The following MYO18A variants were observed in gnomAD, a reference collection of about 807,000 sequenced individuals.
The protein encoded by MYO18A is unconventional myosin-XVIIIa.
A neutral mutation model predicts 235.8 loss-of-function variants in MYO18A; 78 were observed. That is an observed-to-expected ratio of 0.33 (90% CI 0.28 to 0.40). The LOEUF is 0.40. Ranked by LOEUF, MYO18A falls within the 10% of genes least tolerant of loss-of-function variation. MYO18A has a pLI of 1.00. For synonymous variants in MYO18A, 977 were observed against 1,077.8 expected, an observed-to-expected ratio of 0.91 and a Z score of 1.83; for missense variants, 2,215 against 2,699.3, an observed-to-expected ratio of 0.82 and a Z score of 3.98.
chr17:29,107,995 C>T (rs1367883648), intron 19 of MYO18A, among the ~76,000 whole-genome samples: 3 of 151,822 alleles, frequency 2.0e-5, no homozygotes, highest in African/African-American at 7.3e-5. Context: ...CCTGGCCCTG[C>T]CTCTTAGGAT....
chr17:29,142,889 C>A (rs1323726915), intron 2 of MYO18A, among the ~76,000 whole-genome samples: 3 of 152,234 alleles, frequency 2.0e-5, no homozygotes, highest in Non-Finnish European at 4.4e-5. Context: ...CTCACTGCAA[C>A]CTCCGCCTCC....
At chr17:29,119,295 G>A (rs1337046672) in intron 8 of MYO18A, 40 bp downstream of exon 8, 2 of 1,492,314 alleles carry the variant, frequency 1.3e-6, no homozygotes, top group South Asian at 2.4e-5. Context: ...CAGTGGGCTG[G>A]AGTTCAGAGA....
At chr17:29,119,963 C>A (rs1199805711) in intron 7 of MYO18A, among the ~76,000 whole-genome samples, 2 of 152,126 alleles carry the variant, frequency 1.3e-5, no homozygotes, top group Non-Finnish European at 2.9e-5. Flanking sequence ...GCAGCCTTAA[C>A]CTCCCAGGTT....
At chr17:29,178,170 C>T (rs73270426) in intron 1 of MYO18A, among the ~76,000 whole-genome samples, 3,007 of 152,228 alleles carry the variant, frequency 0.02, 84 homozygotes, top group African/African-American at 0.067. Flanking sequence ...ACCCAGACAG[C>T]CCAGGAGTGA....
Position 29,125,555 on chromosome 17 carries a change from G to T in MYO18A, c.1000-3302C>A, listed in dbSNP as rs921171193. On this transcript the variant is annotated intron_variant, in intron 2 of 41. Coordinates refer to ENST00000527372, the MANE Select transcript of MYO18A (RefSeq NM_078471.4). This position sits in a 1 kb window ranked among gnomAD's most constrained non-coding sequence, Gnocchi z 5.1. Reference sequence around the variant, plus strand: ...GCCCCACCTGGGTCTAGAGAGCCAGGTCACCAAAAATAGCGACAGCAACCT... The same window carrying T: ...GCCCCACCTGGGTCTAGAGAGCCAGTTCACCAAAAATAGCGACAGCAACCT... Among the ~76,000 whole-genome samples the T allele has an allele frequency of 1.2e-4, 19 of 152,228 alleles. No homozygotes were observed. Among genetic ancestry groups the T allele is most frequent in the Non-Finnish European group, 4.4e-5 (3 of 68,048 alleles).
At chr17:29,156,256 T>G (rs1598386775) in intron 2 of MYO18A, among the ~76,000 whole-genome samples, 2 of 152,332 alleles carry the variant, frequency 1.3e-5, no homozygotes, top group South Asian at 4.1e-4. Context: ...CTACAGCCAG[T>G]GAGACAGGCG....
chr17:29,133,665 C>A, intron 2 of MYO18A: 1 of 567,470 alleles, frequency 1.8e-6, no homozygotes, highest in Non-Finnish European at 2.9e-6. Context: ...TCCCTGCCAC[C>A]CCCAATTATA....
Position 29,115,053 on chromosome 17 carries a change from C to G in MYO18A, c.2365G>C (p.Asp789His). The part of the protein sequence containing the change: ...QHSLCSMMIV[D>H]TPGFQNPEQG... ...TCAGGGTTCTGGAAGCCCGGGGTGT[C>G]GACAATCATCATGGAGCAGAGTGAG... The change falls in exon 14 of 42, where the codon GAC becomes CAC. Residue 789 changes from aspartate to histidine, a missense_variant. Transcript: ENST00000527372. 1 of 1,613,774 alleles carries G rather than the reference C, an allele frequency of 6.2e-7. No individual in the cohort carries two copies. The highest frequency in any genetic ancestry group is 8.5e-7 in the Non-Finnish European group (1 of 1,179,848).
rs762136557 is a variant in MYO18A, at chr17:29,121,898, C to A, written c.1147G>T (p.Asp383Tyr). Residue 383 changes from aspartate to tyrosine, a missense_variant, in exon 4 of 42, where the codon GAC becomes TAC. Physicochemically the swap from Asp to Tyr is radical, Grantham distance 160. Coordinates refer to ENST00000527372, the MANE Select transcript of MYO18A (RefSeq NM_078471.4). This position sits in a 1 kb window ranked among gnomAD's most constrained non-coding sequence, Gnocchi z 4.2. Reference protein sequence around the residue: ...LPEGKVRVKLDHDGAILDVDE... With the variant: ...LPEGKVRVKLYHDGAILDVDE... The stretch of plus-strand genomic sequence containing the variant: ...ACATCCAGGATGGCCCCATCGTGGT[C>A]CAGCTTCACACGCACCTTCCCCTCA... The A allele has an allele frequency of 1.2e-6, 2 of 1,613,942 alleles. No individual in the cohort carries two copies. Among genetic ancestry groups the A allele is most frequent in the South Asian group, 2.2e-5 (2 of 91,080 alleles).
chr17:29,146,552 A>G (rs1359732222), intron 2 of MYO18A, among the ~76,000 whole-genome samples: 1 of 152,240 alleles, frequency 6.6e-6, no homozygotes, highest in East Asian at 1.9e-4. Flanking sequence ...ATCCTGGCCA[A>G]TAAGAATATC....
rs1365022430 is a variant in MYO18A at position 29,074,676 on chromosome 17, G to A, written c.*94C>T. On this transcript the variant is annotated 3_prime_UTR_variant, in exon 42 of 42. Transcript: ENST00000527372. The surrounding 1 kb of genome is among the most constrained non-coding windows in gnomAD (Gnocchi z 4.4). ...GTGTTTCCCATGCAGATCAGCAGTC[G>A]GGTGGGGGAGACCGGTGCCCCACCA... The A allele has an allele frequency of 1.1e-5, 15 of 1,380,418 alleles. No homozygotes were observed. The highest frequency in any genetic ancestry group is 7.4e-5 in the South Asian group (6 of 81,368). The allele number at this position is 1,380,418 out of a possible 1,614,324, so 85.5% of individuals were successfully genotyped here. A position where few individuals can be genotyped will look rare whatever the true frequency, so the allele number is the denominator to read the frequency against.
intron 22 of MYO18A, 69 bp downstream of exon 22, chr17:29,099,565 C>A (rs1267418794): frequency 6.4e-7 from 1 of 1,558,800 alleles, no homozygotes; most frequent in Non-Finnish European, 8.7e-7. Flanking sequence ...CCCCTTATAG[C>A]CCCCACCCCA....
chr17:29,092,515 G>C (rs1282187782), intron 33 of MYO18A, 59 bp from the exon 34 acceptor site: 1 of 1,381,344 alleles, frequency 7.2e-7, no homozygotes, highest in Non-Finnish European at 1.0e-6. Context: ...GGGGGCAGGA[G>C]GGCTGTACAG....
chr17:29,098,428 C>T lies in MYO18A; in HGVS notation c.3798G>A (p.Leu1266=), dbSNP rs2066574874. 1 of 1,613,838 alleles carries T rather than the reference C, an allele frequency of 6.2e-7. No individual in the cohort carries two copies. The highest frequency in any genetic ancestry group is 1.3e-5 in the African/African-American group (1 of 74,948). The change falls in exon 24 of 42, where the codon CTG becomes CTA. Residue 1266 remains leucine (L), a synonymous_variant. Transcript: ENST00000527372. ...TCTCCGCCTTCTCGAGCTTGCTCCG[C>T]AGCTGCTGGATCTCCTCCTAGGGTG... ...IRNKDEEIQQ[L]RSKLEKAEKE...
intron 2 of MYO18A, among the ~76,000 whole-genome samples, chr17:29,163,308 C>T (rs56173523): frequency 0.032 from 4,940 of 152,276 alleles, 265 homozygotes; most frequent in African/African-American, 0.11. Flanking sequence ...AGCCCTGTCC[C>T]AGGAAGCTGG....
chr17:29,074,689 C>G lies in MYO18A; in HGVS notation c.*81G>C. The G allele has an allele frequency of 2.7e-6, 4 of 1,494,590 alleles. No homozygotes were observed. In the South Asian group the frequency reaches 4.7e-5, roughly 17 times the overall value. 92.6% of individuals were successfully genotyped at this position (1,494,590 alleles called of 1,614,324 possible). On this transcript the variant is annotated 3_prime_UTR_variant, in exon 42 of 42. Coordinates refer to ENST00000527372, the MANE Select transcript of MYO18A (RefSeq NM_078471.4). The surrounding 1 kb of genome is among the most constrained non-coding windows in gnomAD (Gnocchi z 4.4). The stretch of plus-strand genomic sequence containing the variant: ...AGATCAGCAGTCGGGTGGGGGAGAC[C>G]GGTGCCCCACCACTTCCTGGGAGAG...
chr17:29,175,047 T>C (rs2068492545), intron 1 of MYO18A, among the ~76,000 whole-genome samples: 2 of 152,208 alleles, frequency 1.3e-5, no homozygotes, highest in South Asian at 4.1e-4. Flanking sequence ...AGGAAAAATA[T>C]ATGCTCTGGG....
chr17:29,176,762 C>G (rs938441945), intron 1 of MYO18A: 1 of 152,248 alleles, frequency 6.6e-6, no homozygotes, highest in African/African-American at 2.4e-5. Flanking sequence ...CCAGGTCACA[C>G]GGAGCTTATC....
At chr17:29,114,808 A>C in intron 14 of MYO18A, 99 bp downstream of exon 14, 4 of 1,291,412 alleles carry the variant, frequency 3.1e-6, no homozygotes, top group Non-Finnish European at 2.1e-6. Context: ...GAGGACAGAA[A>C]TGGAGAGTAA....
Sources: gnomAD v4.1 joint callset for allele counts (sites outside exome capture counted in the v4.1 genomes callset) on GRCh38, gnomAD v4.1.1 for gene constraint, Gnocchi (gnomAD v3.1) non-coding constraint, MANE v1.5 for transcripts, NCBI Gene and HGNC (gene_info 2026-07-23, HGNC 2026-07-21) for gene names.